The following PRDM14 variants were observed in gnomAD, a reference collection of about 807,000 sequenced individuals.
PRDM14 encodes PR/SET domain 14.
Under a neutral mutation model 48.0 loss-of-function variants are expected in PRDM14, and 16 were observed. That is an observed-to-expected ratio of 0.33 (90% CI 0.23 to 0.51). The LOEUF (loss-of-function observed/expected upper bound fraction) is 0.51, where lower values mean the gene tolerates loss of function less well. Ranked by LOEUF, PRDM14 falls within the 20% of genes least tolerant of loss-of-function variation. The pLI is 0.97. For synonymous variants in PRDM14, 264 were observed against 276.6 expected, an observed-to-expected ratio of 0.95 and a Z score of 0.45; for missense variants, 566 against 719.6, an observed-to-expected ratio of 0.79 and a Z score of 2.44.
At chr8:70,057,426 T>C (rs573621028) in intron 6 of PRDM14, among the ~76,000 whole-genome samples, 1 of 149,260 alleles carries the variant, frequency 6.7e-6, no homozygotes, top group South Asian at 2.1e-4. Context: ...GCCTCTGGGG[T>C]TGAAGCAATT....
At chr8:70,057,968 C>T (rs1032791130) in intron 6 of PRDM14, among the ~76,000 whole-genome samples, 11 of 152,210 alleles carry the variant, frequency 7.2e-5, no homozygotes, top group African/African-American at 2.4e-4. Context: ...GAGGTAGTTC[C>T]GACAAGGCCA....
At chr8:70,058,018 T>C (rs1805507165) in intron 6 of PRDM14, among the ~76,000 whole-genome samples, 1 of 152,184 alleles carries the variant, frequency 6.6e-6, no homozygotes, top group Admixed American at 6.5e-5. Flanking sequence ...AGCCTCGTCC[T>C]CCTTTTAATT....
intron 6 of PRDM14, among the ~76,000 whole-genome samples, chr8:70,055,805 G>C (rs754847703): frequency 6.6e-6 from 1 of 152,154 alleles, no homozygotes; most frequent in Non-Finnish European, 1.5e-5. Context: ...CCCGACCTGA[G>C]AGAACTCTTG....
At position 70,053,265 on chromosome 8, in the gene PRDM14, A is replaced by G. The variant is rs1281237958; in HGVS notation, c.1489-961T>C. Among the ~76,000 whole-genome samples, 4 of 152,152 alleles carry G rather than the reference A, an allele frequency of 2.6e-5. No homozygotes were observed. In the South Asian group the frequency reaches 6.2e-4, roughly 24 times the overall value. ...AACCTCATTACAGAAAGAGAAGCTA[A>G]TATCGACCAGAAGCTAATATCGGCC... On this transcript the variant is annotated intron_variant, in intron 7 of 7. Transcript: ENST00000276594.
At chr8:70,054,063 T>G (rs1805432756) in intron 7 of PRDM14, among the ~76,000 whole-genome samples, 1 of 152,256 alleles carries the variant, frequency 6.6e-6, no homozygotes, top group Non-Finnish European at 1.5e-5. Context: ...CCACATATGA[T>G]TAACCGCGAA....
intron 5 of PRDM14, among the ~76,000 whole-genome samples, chr8:70,064,825 A>T (rs971312941): frequency 1.4e-5 from 2 of 145,592 alleles, no homozygotes; most frequent in Admixed American, 1.4e-4. Context: ...CGCCTGGGCC[A>T]TTTTTTTTTT....
chr8:70,068,401 G>C lies in PRDM14; in HGVS notation c.755-14C>G, dbSNP rs1156977760. Reference sequence around the variant, plus strand: ...TGAGGCATAGACCTAGGGGAAAGCCGAGGCAGGAAAAGAGAATGAGGAGAG... The same window carrying C: ...TGAGGCATAGACCTAGGGGAAAGCCCAGGCAGGAAAAGAGAATGAGGAGAG... On this transcript the variant is annotated splice_polypyrimidine_tract_variant and intron_variant, in intron 3 of 7. Coordinates refer to ENST00000276594, the MANE Select transcript of PRDM14 (RefSeq NM_024504.4). The C allele has an allele frequency of 1.2e-6, 2 of 1,614,144 alleles. No homozygotes were observed. The highest frequency in any genetic ancestry group is 8.5e-7 in the Non-Finnish European group (1 of 1,180,010).
intron 2 of PRDM14, 43 bp from the exon 3 acceptor site, chr8:70,068,575 T>G: frequency 6.4e-7 from 1 of 1,556,048 alleles, no homozygotes; most frequent in Non-Finnish European, 8.9e-7. Flanking sequence ...TAAAAATGCA[T>G]TATAAAGTGC....
chr8:70,067,143 T>C lies in PRDM14; in HGVS notation c.913-638A>G, dbSNP rs1422035802. On this transcript the variant is annotated intron_variant, in intron 4 of 7. Coordinates refer to ENST00000276594, the MANE Select transcript of PRDM14 (RefSeq NM_024504.4). ...AGGTAAGTGAAACAAAAAGGTTTTA[T>C]TTAATTCCACCACTTAAACACAACT... Among the ~76,000 whole-genome samples, 3 of 152,324 alleles carry C rather than the reference T, an allele frequency of 2.0e-5. No homozygotes were observed. In the East Asian group the frequency reaches 5.8e-4, roughly 29 times the overall value.
At chr8:70,067,954 C>A (rs1805699165) in intron 4 of PRDM14, among the ~76,000 whole-genome samples, 1 of 152,046 alleles carries the variant, frequency 6.6e-6, no homozygotes. Flanking sequence ...AAATATAATA[C>A]AACATATTGA....
chr8:70,057,567 G>A (rs751614075), intron 6 of PRDM14, among the ~76,000 whole-genome samples: 21 of 152,052 alleles, frequency 1.4e-4, no homozygotes, highest in Non-Finnish European at 2.5e-4. Context: ...CCTGGCCTCA[G>A]GTGATCTGCC....
At chr8:70,052,354 C>G (rs752332222) in intron 7 of PRDM14, 50 bp from the exon 8 acceptor site, 1 of 1,445,786 alleles carries the variant, frequency 6.9e-7, no homozygotes, top group South Asian at 1.2e-5. Context: ...CTTCCACGAG[C>G]TGGACAACCA....
rs1378045175 is a variant in PRDM14, at chr8:70,058,623, GTCC to G, written c.1386+14_1386+16del. 1.9e-5 allele frequency: 31 copies of G among 1,608,984 alleles called. No individual in the cohort carries two copies. Among genetic ancestry groups the G allele is most frequent in the Non-Finnish European group, 2.5e-5 (29 of 1,176,522 alleles). ...GAGAGAACGTGATGGTGGGTCATGT[GTCC>G]TCCTAATACTCACCTTGTGAGGCCG... On this transcript the variant is annotated intron_variant, in intron 6 of 7. Transcript: ENST00000276594.
chr8:70,069,236 C>A lies in PRDM14; in HGVS notation c.625G>T (p.Val209Phe), dbSNP rs766778802. 1.3e-6 allele frequency: 2 copies of A among 1,597,046 alleles called. No homozygotes were observed. Among genetic ancestry groups the A allele is most frequent in the South Asian group, 2.3e-5 (2 of 87,060 alleles). The change falls in exon 2 of 8, where the codon GTC becomes TTC. Residue 209 changes from valine to phenylalanine, a missense_variant. Coordinates refer to ENST00000276594, the MANE Select transcript of PRDM14 (RefSeq NM_024504.4). Reference sequence around the variant, plus strand: ...GCTGGGTGCTCCAGGCTGGGAGTGACCCCGTACAGAACGAAGTGCAGGTCC... The same window carrying A: ...GCTGGGTGCTCCAGGCTGGGAGTGAACCCGTACAGAACGAAGTGCAGGTCC... Reference protein sequence around the residue: ...EEDLHFVLYGVTPSLEHPASL... With the variant: ...EEDLHFVLYGFTPSLEHPASL...
chr8:70,052,865 C>CA (rs71275047), intron 7 of PRDM14, among the ~76,000 whole-genome samples: 823 of 24,336 alleles, frequency 0.034, 235 homozygotes, highest in Non-Finnish European at 0.044. Context: ...ACTCTGTCTC[C>CA]AAAAAAAAAA....
intron 4 of PRDM14, among the ~76,000 whole-genome samples, chr8:70,067,411 G>A (rs756741960): frequency 1.3e-5 from 2 of 151,714 alleles, no homozygotes; most frequent in Non-Finnish European, 2.9e-5. Flanking sequence ...CTAGCTACTC[G>A]GAAGACTGAG....
intron 5 of PRDM14, among the ~76,000 whole-genome samples, chr8:70,059,277 T>C (rs1805532478): frequency 7.1e-6 from 1 of 140,042 alleles, no homozygotes; most frequent in Non-Finnish European, 1.5e-5. Context: ...TTTTCTTTTC[T>C]TTTTTTTTTT....
chr8:70,055,608 C>T (rs556909149), intron 6 of PRDM14, among the ~76,000 whole-genome samples: 4 of 151,698 alleles, frequency 2.6e-5, no homozygotes, highest in African/African-American at 9.7e-5. Flanking sequence ...CAGGCTCAAG[C>T]GATCCTCCCA....
At chr8:70,061,769 C>T (rs568156870) in intron 5 of PRDM14, among the ~76,000 whole-genome samples, 1 of 152,176 alleles carries the variant, frequency 6.6e-6, no homozygotes, top group East Asian at 1.9e-4. Context: ...ATCTTGTTCC[C>T]TATCCTTCCT....
Sources: gnomAD v4.1 joint callset for allele counts (sites outside exome capture counted in the v4.1 genomes callset) on GRCh38, gnomAD v4.1.1 for gene constraint, MANE v1.5 for transcripts, NCBI Gene and HGNC (gene_info 2026-07-23, HGNC 2026-07-21) for gene names.